Variants in PRC1 observed in about 807,000 individuals in gnomAD.
PRC1 encodes the protein protein regulator of cytokinesis 1.
Under a neutral mutation model 91.2 loss-of-function variants are expected in PRC1, and 54 were observed. The ratio of observed to expected loss-of-function variants is 0.59; its 90% CI spans 0.48 to 0.74. The LOEUF (loss-of-function observed/expected upper bound fraction) is 0.74. Among genes scored for constraint, PRC1 ranks in the 30% least tolerant of loss-of-function variants. The pLI, the probability that PRC1 is intolerant of heterozygous loss-of-function variation, is 0.00. For missense variants in PRC1, 727 were observed against 746.2 expected (o/e 0.97, Z 0.30); for synonymous variants, 275 against 263.6 (o/e 1.04, Z -0.42).
chr15:90,981,375 T>C (rs2039181276), intron 5 of PRC1, 124 bp downstream of exon 5: 5 of 1,150,532 alleles, frequency 4.3e-6, no homozygotes, highest in Non-Finnish European at 6.1e-6. Flanking sequence ...ATTACTATCC[T>C]TAGCTTCCCT....
At position 90,966,659 on chromosome 15, in the gene PRC1, T is replaced by G. The variant is rs1223668405; in HGVS notation, c.*472A>C. 2.2e-6 allele frequency: 1 copy of G among 456,146 alleles called. No individual in the cohort carries two copies. The highest frequency in any genetic ancestry group is 4.4e-6 in the Non-Finnish European group (1 of 226,974). 28.3% of individuals were successfully genotyped at this position (456,146 alleles called of 1,614,324 possible). On this transcript the variant is annotated 3_prime_UTR_variant, in exon 15 of 15. Coordinates refer to ENST00000394249, the MANE Select transcript of PRC1 (RefSeq NM_003981.4). ...TCTTCAGGAGGAAGGCTGTCCTGTG[T>G]GGTGGGGACAAGGCTTCAGGTAAGA...
chr15:90,977,709 G>A (rs915720536), intron 8 of PRC1, among the ~76,000 whole-genome samples: 20 of 147,082 alleles, frequency 1.4e-4, no homozygotes, highest in Admixed American at 5.5e-4. Flanking sequence ...TCAGCCTCCC[G>A]AGTAGCTGGG....
chr15:90,990,067 G>A (rs549611120), intron 1 of PRC1, among the ~76,000 whole-genome samples: 128 of 152,122 alleles, frequency 8.4e-4, no homozygotes, highest in Admixed American at 1.3e-3. Flanking sequence ...GGCCGGGTGC[G>A]GTGGATCACT....
At position 90,974,303 on chromosome 15, in the gene PRC1, T is replaced by G. The variant is rs2038460417; in HGVS notation, c.1351-57A>C. On this transcript the variant is annotated intron_variant, in intron 10 of 14. Transcript: ENST00000394249. The surrounding 1 kb of genome is among the most constrained non-coding windows in gnomAD (Gnocchi z 4.6). ...TCTCAGGAAGAGAGCGGGTCTGGGA[T>G]GGCAACAGCAGCAGGGCCGGGAATC... The G allele has an allele frequency of 1.4e-6, 2 of 1,455,958 alleles. No homozygotes were observed. Among genetic ancestry groups the G allele is most frequent in the African/African-American group, 2.8e-5 (2 of 71,508 alleles). The allele number at this position is 1,455,958 out of a possible 1,614,324, so 90.2% of individuals were successfully genotyped here. A position where few individuals can be genotyped will look rare whatever the true frequency, so the allele number is the denominator to read the frequency against.
At chr15:90,992,029 T>C (rs1230099629) in intron 1 of PRC1, among the ~76,000 whole-genome samples, 1 of 152,218 alleles carries the variant, frequency 6.6e-6, no homozygotes, top group Non-Finnish European at 1.5e-5. Context: ...TTCTGGAACA[T>C]ACCAGGCGCT....
intron 1 of PRC1, among the ~76,000 whole-genome samples, chr15:90,993,818 C>CA (rs2151646489): frequency 6.6e-6 from 1 of 152,314 alleles, no homozygotes; most frequent in African/African-American, 2.4e-5. Flanking sequence ...CACGGTGGCT[C>CA]ACGCCTGTAA....
chr15:90,984,239 TTTTC>T lies in PRC1; in HGVS notation c.145-103_145-100del. The stretch of plus-strand genomic sequence containing the variant: ...TCAAATTTCTTTTTTCTTTTTCTTT[TTTTC>T]TTTGAGATGGAGTCTCGCTCTGTTG... On this transcript the variant is annotated intron_variant, in intron 2 of 14. Transcript: ENST00000394249. This position sits in a 1 kb window ranked among gnomAD's most constrained non-coding sequence, Gnocchi z 5.1. 6.8e-7 allele frequency: 1 copy of T among 1,479,534 alleles called. No homozygotes were observed. Among genetic ancestry groups the T allele is most frequent in the South Asian group, 1.3e-5 (1 of 77,992 alleles). 91.7% of individuals were successfully genotyped at this position (1,479,534 alleles called of 1,614,324 possible). A position where few individuals can be genotyped will look rare whatever the true frequency, so the allele number is the denominator to read the frequency against.
intron 8 of PRC1, among the ~76,000 whole-genome samples, chr15:90,978,792 G>A (rs60640465): frequency 6.8e-6 from 1 of 147,556 alleles, no homozygotes; most frequent in Admixed American, 7.0e-5. Flanking sequence ...CCATCAGGGT[G>A]GGAGCTCTAG....
chr15:90,977,455 C>T (rs2038818203), intron 8 of PRC1: 1 of 152,044 alleles, frequency 6.6e-6, no homozygotes, highest in African/African-American at 2.4e-5. Context: ...TGTTTCCCTT[C>T]CATACTGCTT....
At chr15:90,983,827 C>T (rs576210278) in intron 3 of PRC1, 191 bp downstream of exon 3, 3 of 623,194 alleles carry the variant, frequency 4.8e-6, no homozygotes, top group South Asian at 8.3e-5. Flanking sequence ...TCACCTCTTA[C>T]CAGGGCAACT....
chr15:90,966,505 T>C lies in PRC1; in HGVS notation c.*626A>G, dbSNP rs775710262. 2.2e-5 allele frequency: 10 copies of C among 451,776 alleles called. No homozygotes were observed. The highest frequency in any genetic ancestry group is 9.5e-5 in the Admixed American group (4 of 42,282). 28.0% of individuals were successfully genotyped at this position (451,776 alleles called of 1,614,324 possible). A position where few individuals can be genotyped will look rare whatever the true frequency, so the allele number is the denominator to read the frequency against. ...ACAAGCATGTGTGTTCATACATGCA[T>C]ACCCCCAACAAAGGGCAATGCACTG... On this transcript the variant is annotated 3_prime_UTR_variant, in exon 15 of 15. Transcript: ENST00000394249.
Position 90,984,630 on chromosome 15 carries a change from C to A in PRC1, c.144+63G>T. On this transcript the variant is annotated intron_variant, in intron 2 of 14. Coordinates refer to ENST00000394249, the MANE Select transcript of PRC1 (RefSeq NM_003981.4). The surrounding 1 kb of genome is among the most constrained non-coding windows in gnomAD (Gnocchi z 5.1). ...ATCACATGTCCCTTCTGTATGCTATCTCGGGTGAGACACCAACATCCTTAC... is the reference window on the plus strand; with the variant it reads ...ATCACATGTCCCTTCTGTATGCTATATCGGGTGAGACACCAACATCCTTAC... The A allele has an allele frequency of 1.9e-6, 3 of 1,592,982 alleles. No homozygotes were observed. The highest frequency in any genetic ancestry group is 1.7e-6 in the Non-Finnish European group (2 of 1,165,926).
intron 14 of PRC1, chr15:90,968,243 C>A: frequency 1.0e-6 from 1 of 985,428 alleles, no homozygotes; most frequent in Non-Finnish European, 1.2e-6. Flanking sequence ...CAGAGTGACA[C>A]ACACCCACTT....
intron 1 of PRC1, among the ~76,000 whole-genome samples, chr15:90,993,243 T>C (rs1367354699): frequency 2.2e-5 from 3 of 138,888 alleles, no homozygotes; most frequent in African/African-American, 8.5e-5. Flanking sequence ...GTAGTCTCAC[T>C]CTGTCGCCTA....
intron 8 of PRC1, among the ~76,000 whole-genome samples, chr15:90,978,918 C>G (rs980300200): frequency 1.6e-4 from 24 of 152,018 alleles, no homozygotes; most frequent in Non-Finnish European, 2.9e-5. Context: ...CCCACACTGC[C>G]CACCTCTGAA....
chr15:90,979,059 T>C (rs1039551631), intron 8 of PRC1, 99 bp downstream of exon 8: 12 of 1,342,858 alleles, frequency 8.9e-6, no homozygotes, highest in Admixed American at 2.3e-5. Flanking sequence ...ATGATAAAGA[T>C]GGGGTATCAA....
Position 90,981,756 on chromosome 15 carries a change from C to A in PRC1, c.493G>T (p.Glu165Ter), listed in dbSNP as rs1198085700. ...AAATGTAGGCAGTGTACCTTTGTTT[C>A]CCTCAAAGTTGTCACATGTTGCCTG... is the stretch of plus-strand genomic sequence containing the variant. Reference protein sequence around the residue: ...QFRQHVTTLRETKASRREEFV... With the variant: ...QFRQHVTTLR Residue 165 changes from glutamate (E) to a stop codon, truncating the protein, a stop_gained, in exon 4 of 15, where the codon GAA becomes TAA. Coordinates refer to ENST00000394249, the MANE Select transcript of PRC1 (RefSeq NM_003981.4). LOFTEE classifies it high-confidence loss of function. 1 of 1,610,056 alleles carries A rather than the reference C, an allele frequency of 6.2e-7. No individual in the cohort carries two copies. The highest frequency in any genetic ancestry group is 1.3e-5 in the African/African-American group (1 of 74,732).
At chr15:90,970,535 G>GT (rs779076815) in intron 11 of PRC1, 21 bp from the exon 12 acceptor site, 1 of 1,521,428 alleles carries the variant, frequency 6.6e-7, no homozygotes, top group Non-Finnish European at 9.1e-7. Flanking sequence ...GAGCACGTGG[G>GT]TAACTGATGT....
chr15:90,984,188 A>T lies in PRC1; in HGVS notation c.145-48T>A, dbSNP rs774082699. The T allele has an allele frequency of 6.2e-6, 10 of 1,601,864 alleles. No individual in the cohort carries two copies. The African/African-American group carries it at 1.3e-4, about 22-fold the overall frequency. ...TAAGTTTGGGGCAATGGAGGAAAAA[A>T]ACTCCCAACACCAATACCAAACTCC... is the stretch of plus-strand genomic sequence containing the variant. On this transcript the variant is annotated intron_variant, in intron 2 of 14. Transcript: ENST00000394249. This position sits in a 1 kb window ranked among gnomAD's most constrained non-coding sequence, Gnocchi z 5.1.
Sources: gnomAD v4.1 joint callset for allele counts (sites outside exome capture counted in the v4.1 genomes callset) on GRCh38, gnomAD v4.1.1 for gene constraint, Gnocchi (gnomAD v3.1) non-coding constraint, MANE v1.5 for transcripts, NCBI Gene and HGNC (gene_info 2026-07-23, HGNC 2026-07-21) for gene names.